DLG2: variants seen among roughly 807,000 people sequenced by gnomAD.
DLG2 encodes the protein disks large homolog 2.
DLG2 carries 45 observed loss-of-function variants against 132.5 expected under a neutral mutation model. That is an observed-to-expected ratio of 0.34 (90% CI 0.27 to 0.44). The LOEUF is 0.44. Ranked by LOEUF, DLG2 falls within the 20% of genes least tolerant of loss-of-function variation. DLG2 has a pLI of 1.00. For synonymous variants in DLG2, 424 were observed against 419.6 expected (o/e 1.01, Z -0.13); for missense variants, 1,045 against 1,196.9 (o/e 0.87, Z 1.87).
intron 3 of DLG2, among the ~76,000 whole-genome samples, chr11:85,444,445 T>A (rs2153034487): frequency 6.6e-6 from 1 of 152,314 alleles, no homozygotes; most frequent in Non-Finnish European, 1.5e-5. Context: ...TACACCCTTT[T>A]AAAAGCTAGA....
intron 7 of DLG2, among the ~76,000 whole-genome samples, chr11:84,258,250 C>A (rs544059280): frequency 6.6e-6 from 1 of 151,974 alleles, no homozygotes; most frequent in African/African-American, 2.4e-5. Flanking sequence ...AAAGACACAT[C>A]GATGGTTGTG....
At chr11:84,021,676 G>T (rs1274410529) in intron 11 of DLG2, among the ~76,000 whole-genome samples, 4 of 152,064 alleles carry the variant, frequency 2.6e-5, no homozygotes, top group African/African-American at 9.7e-5. Context: ...TCAAACTGGG[G>T]AAATAAGTTA....
In DLG2 at chr11:84,774,344, A is replaced by G. The variant is rs369881795; in HGVS notation, c.358-239613T>C. 7.9e-5 allele frequency among the ~76,000 whole-genome samples: 12 copies of G among 152,300 alleles called. No homozygotes were observed. In the South Asian group the frequency reaches 1.2e-3, roughly 16 times the overall value. ...CAATGCTCATAGATTGGAAGAATCA[A>G]TATCATTAAAATGGCCATACTGCCT... is the stretch of plus-strand genomic sequence containing the variant. On this transcript the variant is annotated intron_variant, in intron 6 of 27. Transcript: ENST00000376104.
At chr11:85,279,750 G>A (rs769592807) in intron 4 of DLG2, among the ~76,000 whole-genome samples, 4 of 151,932 alleles carry the variant, frequency 2.6e-5, no homozygotes, top group Non-Finnish European at 4.4e-5. Flanking sequence ...TTATTTAAAT[G>A]TCAAGAGCCT....
intron 10 of DLG2, among the ~76,000 whole-genome samples, chr11:84,072,938 T>C (rs1321545976): frequency 6.6e-6 from 1 of 152,198 alleles, no homozygotes; most frequent in Non-Finnish European, 1.5e-5. Context: ...TAGAATCTAA[T>C]AGATGTGCTG....
At chr11:83,518,113 C>G (rs937427243) in intron 21 of DLG2, among the ~76,000 whole-genome samples, 3 of 152,198 alleles carry the variant, frequency 2.0e-5, no homozygotes, top group South Asian at 2.1e-4. Flanking sequence ...TGCCCTGCCC[C>G]CAGAGGTGGA....
At chr11:84,991,104 C>A (rs1372409150) in intron 6 of DLG2, among the ~76,000 whole-genome samples, 2 of 151,902 alleles carry the variant, frequency 1.3e-5, no homozygotes, top group Non-Finnish European at 2.9e-5. Flanking sequence ...AAAATATATA[C>A]CAAAAGGTTA....
rs1003640770 is a variant in DLG2 at position 83,833,883 on chromosome 11, T to G, written c.1566-113A>C. 6.2e-6 allele frequency: 7 copies of G among 1,135,526 alleles called. No individual in the cohort carries two copies. The African/African-American group carries it at 1.1e-4, about 18-fold the overall frequency. The allele number at this position is 1,135,526 out of a possible 1,614,324, so 70.3% of individuals were successfully genotyped here. On this transcript the variant is annotated intron_variant, in intron 16 of 27. Coordinates refer to ENST00000376104, the MANE Select transcript of DLG2 (RefSeq NM_001142699.3). ...GCAACTCACTACTTGTAAAATTGTTTCTCAAACTAAGATAACATTTGCACA... is the reference window on the plus strand; with the variant it reads ...GCAACTCACTACTTGTAAAATTGTTGCTCAAACTAAGATAACATTTGCACA...
intron 2 of DLG2, among the ~76,000 whole-genome samples, chr11:85,619,306 T>A (rs1393473736): frequency 6.6e-6 from 1 of 152,142 alleles, no homozygotes; most frequent in Non-Finnish European, 1.5e-5. Flanking sequence ...GCCTCCCAAG[T>A]AACTGGGACT....
intron 3 of DLG2, among the ~76,000 whole-genome samples, chr11:85,411,104 A>G (rs1194672590): frequency 6.6e-6 from 1 of 151,852 alleles, no homozygotes. Flanking sequence ...TATTCTTCAG[A>G]GCAGAAAACA....
intron 9 of DLG2, among the ~76,000 whole-genome samples, chr11:84,104,873 A>G (rs2092795538): frequency 6.6e-6 from 1 of 152,084 alleles, no homozygotes; most frequent in Non-Finnish European, 1.5e-5. Context: ...ACACTAATCT[A>G]TGTTTCTTAC....
chr11:85,195,835 T>G (rs77345393), intron 4 of DLG2, among the ~76,000 whole-genome samples: 1 of 152,222 alleles, frequency 6.6e-6, no homozygotes, highest in East Asian at 1.9e-4. Context: ...CGACAGTGTT[T>G]TAAATAATCT....
In DLG2 at chr11:83,880,731, T is replaced by C. The variant is rs182379569; in HGVS notation, c.1497-6243A>G. 1.8e-3 allele frequency among the ~76,000 whole-genome samples: 271 copies of C among 152,230 alleles called. 2 individuals carry two copies. The highest frequency in any genetic ancestry group is 6.3e-3 in the African/African-American group (261 of 41,530). ...GCAAGTGTGGATAGAAAAATATAAT[T>C]GAATTTGATTTTGTACAAGATTAGC... On this transcript the variant is annotated intron_variant, in intron 15 of 27. Coordinates refer to ENST00000376104, the MANE Select transcript of DLG2 (RefSeq NM_001142699.3).
At chr11:84,578,099 C>A (rs867500380) in intron 6 of DLG2, among the ~76,000 whole-genome samples, 8 of 152,294 alleles carry the variant, frequency 5.3e-5, no homozygotes, top group South Asian at 2.1e-4. Context: ...AGTTTCAGAA[C>A]CTCAACCTAG....
chr11:84,287,341 A>T (rs2097919485), intron 7 of DLG2, among the ~76,000 whole-genome samples: 1 of 152,108 alleles, frequency 6.6e-6, no homozygotes, highest in African/African-American at 2.4e-5. Flanking sequence ...TCCATTTTAC[A>T]GATATGAAAC....
intron 14 of DLG2, among the ~76,000 whole-genome samples, chr11:83,947,791 G>A (rs574989734): frequency 1.4e-4 from 22 of 152,256 alleles, no homozygotes; most frequent in African/African-American, 5.3e-4. Flanking sequence ...AGACTCTTTT[G>A]AGTCTAACAT....
intron 7 of DLG2, among the ~76,000 whole-genome samples, chr11:84,258,983 A>G (rs868429843): frequency 1.3e-5 from 2 of 152,204 alleles, no homozygotes; most frequent in African/African-American, 4.8e-5. Context: ...TAAAGAATGC[A>G]TGTGTAGGCC....
intron 7 of DLG2, among the ~76,000 whole-genome samples, chr11:84,402,396 T>A (rs1181843622): frequency 6.6e-6 from 1 of 152,178 alleles, no homozygotes; most frequent in Non-Finnish European, 1.5e-5. Context: ...ATGGGAAATT[T>A]AAGGCTGATT....
intron 6 of DLG2, among the ~76,000 whole-genome samples, chr11:84,661,940 G>A (rs2099694842): frequency 6.6e-6 from 1 of 152,110 alleles, no homozygotes; most frequent in African/African-American, 2.4e-5. Flanking sequence ...AAGACAGGGA[G>A]TAAAATCTCA....
Sources: allele counts gnomAD v4.1 joint callset (sites outside exome capture counted in the v4.1 genomes callset), GRCh38; gene constraint gnomAD v4.1.1; transcripts MANE v1.5; gene names NCBI Gene and HGNC (gene_info 2026-07-23, HGNC 2026-07-21).